The following TPH1 variants were observed in gnomAD, a reference collection of about 807,000 sequenced individuals.
TPH1 encodes tryptophan 5-hydroxylase 1.
A neutral mutation model predicts 49.5 loss-of-function variants in TPH1; 37 were observed. The observed-to-expected ratio is 0.75, with a 90% CI of 0.58 to 0.98. The LOEUF (loss-of-function observed/expected upper bound fraction) is 0.98, where lower values mean the gene tolerates loss of function less well. Ranked by LOEUF, TPH1 falls within the 50% of genes least tolerant of loss-of-function variation. TPH1 has a pLI of 0.00. For synonymous variants in TPH1, 160 were observed against 182.1 expected, an observed-to-expected ratio of 0.88 and a Z score of 0.98; for missense variants, 487 against 523.6, an observed-to-expected ratio of 0.93 and a Z score of 0.68.
At chr11:18,031,573 G>A (rs886221633) in intron 4 of TPH1, among the ~76,000 whole-genome samples, 4 of 152,092 alleles carry the variant, frequency 2.6e-5, no homozygotes, top group Non-Finnish European at 5.9e-5. Context: ...GGTGTTTGAA[G>A]GTGACAAGGC....
chr11:18,026,582 T>A lies in TPH1; in HGVS notation c.711A>T (p.Ser237=), dbSNP rs1847931285. Residue 237 remains serine, a synonymous_variant, in exon 7 of 11, where the codon TCA becomes TCT. Coordinates refer to ENST00000682019, the MANE Select transcript of TPH1 (RefSeq NM_004179.3). ...FSIRPVAGYL[S]PRDFLSGLAF... is the part of the protein sequence containing the mutation. ...CTAAACCTGATAAGAAATCTCTTGG[T>A]GATAAGTAACCAGCCACAGGACGGA... 1 of 1,613,850 alleles carries A rather than the reference T, an allele frequency of 6.2e-7. No homozygotes were observed. Among genetic ancestry groups the A allele is most frequent in the South Asian group, 1.1e-5 (1 of 91,082 alleles).
chr11:18,026,734 A>G (rs554547548), intron 6 of TPH1, 109 bp from the exon 7 acceptor site: 4 of 1,356,526 alleles, frequency 2.9e-6, no homozygotes, highest in South Asian at 2.4e-5. Context: ...GAAGGCATGG[A>G]AACTATAATT....
chr11:18,025,566 G>T lies in TPH1; in HGVS notation c.930+9C>A, dbSNP rs1420870781. On this transcript the variant is annotated intron_variant, in intron 8 of 10. Transcript: ENST00000682019. ...CCAGGTGAAAATATAGCTAATTCCA[G>T]ATTTATACCGTTGCCAGTTTTTGAA... The T allele has an allele frequency of 6.2e-7, 1 of 1,613,598 alleles. No individual in the cohort carries two copies. The highest frequency in any genetic ancestry group is 8.5e-7 in the Non-Finnish European group (1 of 1,179,700).
rs369502060 is a variant in TPH1 at position 18,029,535 on chromosome 11, C to T, written c.447G>A (p.Ala149=). Residue 149 remains alanine, a synonymous_variant, in exon 5 of 11, where the codon GCG becomes GCA. Transcript: ENST00000682019. ...ACTGTTTATAGTTCATAGCCAAGTC[C>T]GCAAAATACTTTCGACGTTTACGGT... is the stretch of plus-strand genomic sequence containing the variant. The part of the protein sequence containing the change: ...NVYRKRRKYF[A]DLAMNYKHGD... The T allele has an allele frequency of 6.8e-5, 109 of 1,612,826 alleles. 2 individuals are homozygous for T. Among genetic ancestry groups the T allele is most frequent in the South Asian group, 5.8e-4 (53 of 90,862 alleles).
intron 1 of TPH1, among the ~76,000 whole-genome samples, chr11:18,043,004 CAAAT>C (rs1848111702): frequency 6.6e-6 from 1 of 152,132 alleles, no homozygotes; most frequent in Admixed American, 6.5e-5. Context: ...TTTTTGCAAA[CAAAT>C]AGACAAAGAC....
intron 9 of TPH1, 142 bp from the exon 10 acceptor site, chr11:18,023,073 A>G: frequency 3.3e-6 from 3 of 920,928 alleles, no homozygotes; most frequent in Non-Finnish European, 5.0e-6. Flanking sequence ...CTATAGCTCT[A>G]TTCAACCCAC....
intron 2 of TPH1, among the ~76,000 whole-genome samples, chr11:18,040,358 T>C (rs940243355): frequency 6.8e-6 from 1 of 147,648 alleles, no homozygotes; most frequent in African/African-American, 2.5e-5. Flanking sequence ...ATTTTATCTA[T>C]ATATAAATAT....
intron 2 of TPH1, among the ~76,000 whole-genome samples, chr11:18,037,059 T>G (rs1287802864): frequency 6.6e-6 from 1 of 151,978 alleles, no homozygotes; most frequent in Non-Finnish European, 1.5e-5. Context: ...AAATGAATCT[T>G]AAAGAATAGA....
chr11:18,022,891 G>A lies in TPH1; in HGVS notation c.1067C>T (p.Pro356Leu), dbSNP rs773918752. ...ACATTCCTGTTTGCAGGTAATCTTG[G>A]GATCAAAGGGCTTTACTTTGGCATG... is the stretch of plus-strand genomic sequence containing the variant. The part of the protein sequence containing the change: ...SGHAKVKPFD[P>L]KITCKQECLI... The change falls in exon 10 of 11, where the codon CCC (proline) becomes CTC (leucine). Residue 356 changes from proline to leucine, a missense_variant. Physicochemically the swap from Pro to Leu is moderately conservative, Grantham distance 98 (BLOSUM62 -3). Transcript: ENST00000682019. 1 of 1,613,526 alleles carries A rather than the reference G, an allele frequency of 6.2e-7. No individual in the cohort carries two copies. Among genetic ancestry groups the A allele is most frequent in the Non-Finnish European group, 8.5e-7 (1 of 1,179,624 alleles).
chr11:18,020,657 G>A lies in TPH1; in HGVS notation c.*334C>T, dbSNP rs1854348299. ...AGGGTCATTTTACTCAAGGAGGATT[G>A]GGGAAAATAGAGTTAGGCTGAGATT... On this transcript the variant is annotated 3_prime_UTR_variant, in exon 11 of 11. Transcript: ENST00000682019. 1 of 279,926 alleles carries A rather than the reference G, an allele frequency of 3.6e-6. No homozygotes were observed. The highest frequency in any genetic ancestry group is 6.9e-6 in the Non-Finnish European group (1 of 144,202). The allele number at this position is 279,926 out of a possible 1,614,324, so 17.3% of individuals were successfully genotyped here.
Position 18,043,626 on chromosome 11 carries a change from AAAC to A in TPH1, c.-27+2612_-27+2614del, listed in dbSNP as rs200020349. 3.0e-3 allele frequency among the ~76,000 whole-genome samples: 442 copies of A among 148,912 alleles called. 2 individuals carry two copies. The highest frequency in any genetic ancestry group is 0.017 in the Middle Eastern group (5 of 290). ...TCAAAAAACAAAAACAAAAACAAAC[AAAC>A]AACAACAACAACAAAAACTATTATG... On this transcript the variant is annotated intron_variant, in intron 1 of 10. Coordinates refer to ENST00000682019, the MANE Select transcript of TPH1 (RefSeq NM_004179.3).
At chr11:18,032,691 G>A (rs1203722718) in intron 4 of TPH1, among the ~76,000 whole-genome samples, 2 of 151,320 alleles carry the variant, frequency 1.3e-5, no homozygotes, top group Admixed American at 6.6e-5. Flanking sequence ...GACTACAGGC[G>A]CCCGCCACCA....
rs1284926332 is a variant in TPH1 at position 18,019,780 on chromosome 11, T to C, written c.*1211A>G. 2.2e-6 allele frequency: 1 copy of C among 456,326 alleles called. No homozygotes were observed. The highest frequency in any genetic ancestry group is 4.4e-6 in the Non-Finnish European group (1 of 226,878). The allele number at this position is 456,326 out of a possible 1,614,324, so 28.3% of individuals were successfully genotyped here. A position where few individuals can be genotyped will look rare whatever the true frequency, so the allele number is the denominator to read the frequency against. The stretch of plus-strand genomic sequence containing the variant: ...GGCAAATTAAAGAGACATAAGTTTG[T>C]ATTTTGGAGTTCAGCTTCACCCATT... On this transcript the variant is annotated 3_prime_UTR_variant, in exon 11 of 11. Coordinates refer to ENST00000682019, the MANE Select transcript of TPH1 (RefSeq NM_004179.3).
intron 10 of TPH1, among the ~76,000 whole-genome samples, 181 bp from the exon 11 acceptor site, chr11:18,021,346 A>AT (rs2134024298): frequency 6.6e-6 from 1 of 152,346 alleles, no homozygotes; most frequent in East Asian, 1.9e-4. Flanking sequence ...ATCCCACACA[A>AT]GTGGGAAACC....
At chr11:18,022,608 A>T (rs1236178371) in intron 10 of TPH1, among the ~76,000 whole-genome samples, 190 bp downstream of exon 10, 1 of 152,222 alleles carries the variant, frequency 6.6e-6, no homozygotes, top group African/African-American at 2.4e-5. Flanking sequence ...TATCTGATTC[A>T]TATTTGCAAC....
chr11:18,035,492 C>G (rs1189231593), intron 3 of TPH1, among the ~76,000 whole-genome samples: 1 of 141,732 alleles, frequency 7.1e-6, no homozygotes, highest in Admixed American at 7.8e-5. Context: ...GTGGTACAAT[C>G]TCGGCTCAGC....
chr11:18,040,584 A>G, intron 2 of TPH1, 62 bp downstream of exon 2: 1 of 1,504,948 alleles, frequency 6.6e-7, no homozygotes, highest in Non-Finnish European at 9.1e-7. Flanking sequence ...CCTATATTTT[A>G]AATATAGTTT....
intron 4 of TPH1, among the ~76,000 whole-genome samples, chr11:18,030,929 G>C (rs748593531): frequency 2.0e-5 from 3 of 152,166 alleles, no homozygotes; most frequent in Non-Finnish European, 2.9e-5. Context: ...TTGGAGTTTA[G>C]CCTTGGGTAA....
At chr11:18,024,258 T>C (rs907445644) in intron 8 of TPH1, among the ~76,000 whole-genome samples, 2 of 152,186 alleles carry the variant, frequency 1.3e-5, no homozygotes, top group African/African-American at 4.8e-5. Context: ...ATATTAAAAA[T>C]TAAAACTGAG....
Sources: allele counts gnomAD v4.1 joint callset (sites outside exome capture counted in the v4.1 genomes callset), GRCh38; gene constraint gnomAD v4.1.1; transcripts MANE v1.5; gene names NCBI Gene and HGNC (gene_info 2026-07-23, HGNC 2026-07-21).